The following CALN1 variants were observed in gnomAD, a reference collection of about 807,000 sequenced individuals.
CALN1 encodes calneuron 1.
A neutral mutation model predicts 30.6 loss-of-function variants in CALN1; 17 were observed. The ratio of observed to expected loss-of-function variants is 0.56; its 90% CI spans 0.38 to 0.83. The LOEUF is 0.83. CALN1 is among the 40% of genes least tolerant of loss of function. The pLI is 0.00. For synonymous variants in CALN1, 156 were observed against 131.4 expected (o/e 1.19, Z -1.28); for missense variants, 291 against 354.9 (o/e 0.82, Z 1.45).
chr7:72,293,403 A>G (rs944454841), intron 2 of CALN1, among the ~76,000 whole-genome samples: 1 of 152,190 alleles, frequency 6.6e-6, no homozygotes, highest in South Asian at 2.1e-4. Flanking sequence ...ACCACTAAAA[A>G]GAGACAGCCA....
intron 5 of CALN1, among the ~76,000 whole-genome samples, chr7:71,880,717 T>C (rs1792512327): frequency 6.6e-6 from 1 of 152,206 alleles, no homozygotes; most frequent in Non-Finnish European, 1.5e-5. Context: ...AATAAATAAG[T>C]TAAATAACTA....
At chr7:72,044,696 C>T (rs528293386) in intron 4 of CALN1, among the ~76,000 whole-genome samples, 5 of 144,882 alleles carry the variant, frequency 3.5e-5, no homozygotes, top group Admixed American at 7.2e-5. Flanking sequence ...ATTGCAGGCT[C>T]GAACTCCTGG....
chr7:72,303,541 G>A (rs1799439411), intron 2 of CALN1, among the ~76,000 whole-genome samples: 1 of 144,666 alleles, frequency 6.9e-6, no homozygotes, highest in Non-Finnish European at 1.5e-5. Context: ...TGGGCAACAA[G>A]AGCGAAACTC....
At chr7:72,343,129 A>C (rs773382257) in intron 2 of CALN1, among the ~76,000 whole-genome samples, 1 of 152,202 alleles carries the variant, frequency 6.6e-6, no homozygotes, top group Non-Finnish European at 1.5e-5. Flanking sequence ...GCCTCGAAAG[A>C]CTATTAATGA....
At chr7:71,994,522 A>C (rs1040343213) in intron 5 of CALN1, among the ~76,000 whole-genome samples, 3 of 151,860 alleles carry the variant, frequency 2.0e-5, no homozygotes, top group African/African-American at 4.8e-5. Flanking sequence ...AAAAAAAAAA[A>C]AAAAAAAAAA....
chr7:72,206,357 C>G (rs553714427), intron 3 of CALN1, among the ~76,000 whole-genome samples: 1 of 152,258 alleles, frequency 6.6e-6, no homozygotes, highest in African/African-American at 2.4e-5. Context: ...GTTTCTTGTC[C>G]TCATCCTATA....
At chr7:71,916,384 C>T (rs2117029772) in intron 5 of CALN1, among the ~76,000 whole-genome samples, 1 of 151,588 alleles carries the variant, frequency 6.6e-6, no homozygotes, top group East Asian at 1.9e-4. Flanking sequence ...TTTTTTTAAT[C>T]AAGAGAAGAG....
chr7:72,353,502 A>G (rs1199480915), intron 2 of CALN1, among the ~76,000 whole-genome samples: 1 of 152,162 alleles, frequency 6.6e-6, no homozygotes, highest in Non-Finnish European at 1.5e-5. Context: ...GCATTCATGA[A>G]GAGTGTTTGG....
At chr7:72,197,329 G>A (rs1791098460) in intron 3 of CALN1, among the ~76,000 whole-genome samples, 1 of 152,018 alleles carries the variant, frequency 6.6e-6, no homozygotes, top group Admixed American at 6.6e-5. Context: ...AGCCTTCTGA[G>A]TAGCTGGGAT....
intron 5 of CALN1, among the ~76,000 whole-genome samples, chr7:71,955,066 G>C (rs1420766662): frequency 6.6e-6 from 1 of 152,156 alleles, no homozygotes; most frequent in East Asian, 1.9e-4. Flanking sequence ...AAGGAAAGAG[G>C]TTTAATGGAT....
At chr7:72,444,020 T>A (rs1187267016) in intron 1 of CALN1, among the ~76,000 whole-genome samples, 1 of 149,966 alleles carries the variant, frequency 6.7e-6, no homozygotes, top group Admixed American at 6.6e-5. Context: ...CTAAATTAAT[T>A]AATTAAAAAA....
At chr7:72,340,163 T>C (rs1802315134) in intron 2 of CALN1, among the ~76,000 whole-genome samples, 1 of 152,210 alleles carries the variant, frequency 6.6e-6, no homozygotes, top group Admixed American at 6.5e-5. Flanking sequence ...AGAGTGAACA[T>C]TCTTTTCTGC....
chr7:72,268,368 A>G (rs902804365), intron 3 of CALN1, among the ~76,000 whole-genome samples: 3 of 152,210 alleles, frequency 2.0e-5, no homozygotes, highest in Admixed American at 2.0e-4. Context: ...AGGACTTCAT[A>G]CACTTTGTCA....
intron 4 of CALN1, among the ~76,000 whole-genome samples, chr7:72,048,549 T>TA (rs1253514831): frequency 6.6e-6 from 1 of 152,192 alleles, no homozygotes; most frequent in Non-Finnish European, 1.5e-5. Context: ...CTTATACACT[T>TA]AGACTTCATA....
At chr7:72,182,336 T>C (rs1049089387) in intron 3 of CALN1, among the ~76,000 whole-genome samples, 4 of 152,148 alleles carry the variant, frequency 2.6e-5, no homozygotes, top group African/African-American at 4.8e-5. Flanking sequence ...GTGGGATGTG[T>C]TCTCACAATG....
intron 5 of CALN1, among the ~76,000 whole-genome samples, chr7:71,998,316 A>G (rs1031194954): frequency 5.9e-5 from 9 of 152,186 alleles, no homozygotes; most frequent in African/African-American, 2.2e-4. Context: ...GGAGGAAGAA[A>G]TAAGAGGAAC....
At chr7:71,912,355 T>C (rs1794469393) in intron 5 of CALN1, among the ~76,000 whole-genome samples, 1 of 152,114 alleles carries the variant, frequency 6.6e-6, no homozygotes, top group East Asian at 1.9e-4. Context: ...CAAACCAAAG[T>C]TCCTGGCAAC....
At chr7:71,846,153 T>A (rs1342911123) in intron 5 of CALN1, among the ~76,000 whole-genome samples, 1 of 152,198 alleles carries the variant, frequency 6.6e-6, no homozygotes, top group African/African-American at 2.4e-5. Context: ...ATTCAGCACC[T>A]GACTGACTGC....
At chr7:72,104,063 G>C (rs1452633662) in intron 4 of CALN1, 1 of 153,312 alleles carries the variant, frequency 6.5e-6, no homozygotes, top group Non-Finnish European at 1.5e-5. Flanking sequence ...ATTAAGTCTA[G>C]GATTTGTTTT....
Sources: allele counts gnomAD v4.1 joint callset (sites outside exome capture counted in the v4.1 genomes callset), GRCh38; gene constraint gnomAD v4.1.1; transcripts MANE v1.5; gene names NCBI Gene and HGNC (gene_info 2026-07-23, HGNC 2026-07-21).